CDH13: variants seen among roughly 807,000 people sequenced by gnomAD.
CDH13 encodes the protein cadherin 13.
Under a neutral mutation model 63.8 loss-of-function variants are expected in CDH13, and 24 were observed. The ratio of observed to expected loss-of-function variants is 0.38; its 90% CI spans 0.27 to 0.53. The LOEUF is 0.53. Among genes scored for constraint, CDH13 ranks in the 20% least tolerant of loss-of-function variants. The pLI is 0.85. For synonymous variants in CDH13, 503 were observed against 355.3 expected (o/e 1.42, Z -4.67); for missense variants, 1,049 against 903.1 (o/e 1.16, Z -2.07).
intron 7 of CDH13, among the ~76,000 whole-genome samples, chr16:83,496,766 C>G (rs1160438300): frequency 6.6e-6 from 1 of 152,106 alleles, no homozygotes; most frequent in Non-Finnish European, 1.5e-5. Flanking sequence ...ACTCATCTGA[C>G]AAAGGGCTAA....
intron 1 of CDH13, among the ~76,000 whole-genome samples, chr16:82,640,303 C>T (rs946674699): frequency 6.6e-6 from 1 of 152,256 alleles, no homozygotes; most frequent in Admixed American, 6.5e-5. Flanking sequence ...ACATACATGG[C>T]ATTTTTGTCT....
At chr16:82,839,521 A>G (rs1243004845) in intron 1 of CDH13, among the ~76,000 whole-genome samples, 1 of 152,178 alleles carries the variant, frequency 6.6e-6, no homozygotes, top group Non-Finnish European at 1.5e-5. Context: ...CAGGAGGATT[A>G]ATCTCCCTAA....
At chr16:83,732,653 C>T (rs1174031628) in intron 10 of CDH13, among the ~76,000 whole-genome samples, 1 of 152,164 alleles carries the variant, frequency 6.6e-6, no homozygotes, top group East Asian at 1.9e-4. Context: ...GATGTTCCCA[C>T]ACGTAGAAAC....
intron 8 of CDH13, among the ~76,000 whole-genome samples, chr16:83,636,311 C>T (rs905979602): frequency 3.3e-5 from 5 of 151,468 alleles, no homozygotes; most frequent in Non-Finnish European, 5.9e-5. Flanking sequence ...TTTCCTTTTT[C>T]GACTTTTACT....
chr16:83,526,156 C>T (rs1006394962), intron 7 of CDH13, among the ~76,000 whole-genome samples: 1 of 152,194 alleles, frequency 6.6e-6, no homozygotes, highest in Non-Finnish European at 1.5e-5. Context: ...CTGCAGCCAC[C>T]ACCTTCGAAC....
chr16:83,353,739 C>G (rs2091002775), intron 6 of CDH13, among the ~76,000 whole-genome samples: 1 of 152,238 alleles, frequency 6.6e-6, no homozygotes, highest in South Asian at 2.1e-4. Context: ...ATGTATCTGC[C>G]TCTCCTCTGC....
At chr16:83,528,492 T>C (rs1430308437) in intron 7 of CDH13, among the ~76,000 whole-genome samples, 1 of 152,100 alleles carries the variant, frequency 6.6e-6, no homozygotes, top group African/African-American at 2.4e-5. Flanking sequence ...TTCTCAGGGG[T>C]TGAGATAATA....
At chr16:83,426,864 A>G (rs985768675) in intron 6 of CDH13, among the ~76,000 whole-genome samples, 4 of 131,286 alleles carry the variant, frequency 3.0e-5, no homozygotes, top group African/African-American at 1.2e-4. Context: ...CCCCCCAAAT[A>G]TGACTTTGTC....
chr16:82,714,807 C>G (rs577404817), intron 1 of CDH13, among the ~76,000 whole-genome samples: 2 of 140,164 alleles, frequency 1.4e-5, no homozygotes, highest in South Asian at 5.4e-4. Context: ...AGCTACAATT[C>G]AAGGGACACC....
intron 2 of CDH13, among the ~76,000 whole-genome samples, chr16:83,019,787 T>C (rs1294283313): frequency 1.4e-5 from 2 of 144,410 alleles, no homozygotes; most frequent in Admixed American, 7.2e-5. Context: ...TGAGCCACCA[T>C]GCCCGGCCAG....
At chr16:82,728,972 C>T (rs2033250909) in intron 1 of CDH13, among the ~76,000 whole-genome samples, 1 of 152,158 alleles carries the variant, frequency 6.6e-6, no homozygotes, top group Non-Finnish European at 1.5e-5. Context: ...AAACCACTTT[C>T]TTGGCTCATC....
intron 5 of CDH13, among the ~76,000 whole-genome samples, chr16:83,320,479 C>T (rs1480241007): frequency 6.6e-6 from 1 of 152,098 alleles, no homozygotes; most frequent in Non-Finnish European, 1.5e-5. Context: ...GAAACAGTTG[C>T]CTGATTTTAA....
intron 6 of CDH13, among the ~76,000 whole-genome samples, chr16:83,472,259 G>A (rs1171980020): frequency 6.6e-6 from 1 of 152,228 alleles, no homozygotes; most frequent in African/African-American, 2.4e-5. Flanking sequence ...GTCTCCTGTG[G>A]GCATGCTGCT....
At chr16:83,462,099 A>T (rs550963553) in intron 6 of CDH13, among the ~76,000 whole-genome samples, 2 of 152,360 alleles carry the variant, frequency 1.3e-5, no homozygotes, top group Non-Finnish European at 2.9e-5. Context: ...AACAGGGGCC[A>T]AGAGGGAAAC....
chr16:83,141,898 T>C (rs1391524517), intron 4 of CDH13, among the ~76,000 whole-genome samples: 2 of 152,184 alleles, frequency 1.3e-5, no homozygotes, highest in Non-Finnish European at 2.9e-5. Context: ...GCTTTCACTT[T>C]AGGAGCTCAA....
intron 3 of CDH13, among the ~76,000 whole-genome samples, chr16:83,057,450 C>T (rs146153515): frequency 3.7e-4 from 56 of 152,258 alleles, no homozygotes; most frequent in African/African-American, 1.1e-3. Flanking sequence ...TACACTTACA[C>T]TTTTGCAGTT....
chr16:83,715,484 T>A (rs755513778), intron 10 of CDH13, among the ~76,000 whole-genome samples: 1 of 152,178 alleles, frequency 6.6e-6, no homozygotes, highest in African/African-American at 2.4e-5. Flanking sequence ...AAGTACCAGG[T>A]CTTGGTAAGT....
At chr16:83,204,582 T>C (rs892969045) in intron 4 of CDH13, among the ~76,000 whole-genome samples, 6 of 152,180 alleles carry the variant, frequency 3.9e-5, no homozygotes, top group African/African-American at 1.4e-4. Flanking sequence ...CACACAGCTT[T>C]CTATAAGTCC....
At chr16:82,924,842 A>T (rs1202014042) in intron 2 of CDH13, among the ~76,000 whole-genome samples, 2 of 152,184 alleles carry the variant, frequency 1.3e-5, no homozygotes, top group Admixed American at 6.5e-5. Flanking sequence ...AAACTTTCTC[A>T]GATGTTCTCA....
Sources: allele counts gnomAD v4.1 joint callset (sites outside exome capture counted in the v4.1 genomes callset), GRCh38; gene constraint gnomAD v4.1.1; transcripts MANE v1.5; gene names NCBI Gene and HGNC (gene_info 2026-07-23, HGNC 2026-07-21).